ZNF536: variants seen among roughly 807,000 people sequenced by gnomAD.
ZNF536 encodes the protein zinc finger protein 536.
A neutral mutation model predicts 84.5 loss-of-function variants in ZNF536; 13 were observed. That is an observed-to-expected ratio of 0.15 (90% CI 0.10 to 0.24). The LOEUF (loss-of-function observed/expected upper bound fraction) is 0.24. Among genes scored for constraint, ZNF536 ranks in the 10% least tolerant of loss-of-function variants. The pLI is 1.00. For synonymous variants in ZNF536, 811 were observed against 742.5 expected (o/e 1.09, Z -1.50); for missense variants, 1,536 against 1,747.5 (o/e 0.88, Z 2.16).
intron 2 of ZNF536, among the ~76,000 whole-genome samples, chr19:30,453,294 T>A (rs1340313323): frequency 6.6e-6 from 1 of 152,112 alleles, no homozygotes; most frequent in East Asian, 1.9e-4. Context: ...GGGAGCCAGG[T>A]AGATAAGACA....
intron 2 of ZNF536, among the ~76,000 whole-genome samples, chr19:30,300,844 G>A (rs16964084): frequency 0.01 from 1,493 of 146,990 alleles, 29 homozygotes; most frequent in African/African-American, 0.036. Flanking sequence ...AGTACTCTTC[G>A]ACGCCTGAGT....
chr19:30,439,360 G>A (rs1376381383), intron 1 of ZNF536, among the ~76,000 whole-genome samples: 1 of 152,188 alleles, frequency 6.6e-6, no homozygotes, highest in Non-Finnish European at 1.5e-5. Context: ...TGACTGAATG[G>A]CTAAGGTAAG....
chr19:30,270,459 G>A (rs992541099), intron 1 of ZNF536, among the ~76,000 whole-genome samples: 21 of 152,118 alleles, frequency 1.4e-4, no homozygotes, highest in African/African-American at 4.8e-4. Context: ...AAGAACAATT[G>A]CACTTGAAGT....
intron 3 of ZNF536, among the ~76,000 whole-genome samples, chr19:30,545,588 G>A (rs368095165): frequency 5.9e-5 from 9 of 151,740 alleles, no homozygotes; most frequent in Non-Finnish European, 1.0e-4. Context: ...TAGTAGAGAC[G>A]GGGTTTCATC....
At chr19:30,544,976 C>G (rs912284657) in intron 3 of ZNF536, among the ~76,000 whole-genome samples, 5 of 152,248 alleles carry the variant, frequency 3.3e-5, no homozygotes, top group African/African-American at 9.6e-5. Context: ...GAGGTCTAGA[C>G]TGTCTTCCCT....
At chr19:30,410,151 C>A (rs2050419287) in intron 1 of ZNF536, among the ~76,000 whole-genome samples, 1 of 151,966 alleles carries the variant, frequency 6.6e-6, no homozygotes, top group South Asian at 2.1e-4. Flanking sequence ...CTTTTTAGTG[C>A]CATGCTTTGA....
intron 2 of ZNF536, among the ~76,000 whole-genome samples, chr19:30,344,508 G>T (rs1766320110): frequency 6.7e-6 from 1 of 148,156 alleles, no homozygotes; most frequent in Non-Finnish European, 1.5e-5. Flanking sequence ...CTTGGGACAT[G>T]ATGCATCCGT....
chr19:30,577,384 T>TA (rs1292564287), intron 1 of ZNF536, among the ~76,000 whole-genome samples: 1 of 152,230 alleles, frequency 6.6e-6, no homozygotes, highest in Non-Finnish European at 1.5e-5. Flanking sequence ...TGGGGTAATA[T>TA]ACTGTGCAGA....
chr19:30,245,761 A>G (rs896454945), intron 1 of ZNF536, among the ~76,000 whole-genome samples: 3 of 152,250 alleles, frequency 2.0e-5, no homozygotes, highest in African/African-American at 7.2e-5. Flanking sequence ...GACAGGCTTA[A>G]TCAAGGGTGT....
At chr19:30,431,950 A>G (rs1299973978) in intron 1 of ZNF536, among the ~76,000 whole-genome samples, 1 of 151,716 alleles carries the variant, frequency 6.6e-6, no homozygotes, top group Non-Finnish European at 1.5e-5. Flanking sequence ...TATCTTTTTC[A>G]GTTTTGCATT....
chr19:30,394,090 A>G (rs948238077), intron 1 of ZNF536, among the ~76,000 whole-genome samples: 2 of 152,178 alleles, frequency 1.3e-5, no homozygotes, highest in African/African-American at 2.4e-5. Flanking sequence ...GCAGCTCTCT[A>G]TCAGATCAGT....
intron 1 of ZNF536, among the ~76,000 whole-genome samples, chr19:30,240,883 A>G (rs962781259): frequency 2.6e-5 from 4 of 152,342 alleles, no homozygotes; most frequent in Middle Eastern, 3.4e-3. Context: ...GCACTTGGGA[A>G]GGACATTGCT....
intron 2 of ZNF536, among the ~76,000 whole-genome samples, chr19:30,476,567 A>G (rs1385148570): frequency 6.6e-6 from 1 of 152,228 alleles, no homozygotes; most frequent in Non-Finnish European, 1.5e-5. Flanking sequence ...AATATTGCTT[A>G]ACAATGAATA....
At chr19:30,413,309 TG>T (rs2050575758) in intron 1 of ZNF536, among the ~76,000 whole-genome samples, 1 of 152,220 alleles carries the variant, frequency 6.6e-6, no homozygotes, top group South Asian at 2.1e-4. Context: ...TTGAAGGCTT[TG>T]TTCATTTGTT....
intron 1 of ZNF536, among the ~76,000 whole-genome samples, chr19:30,702,447 G>A (rs1326108090): frequency 6.6e-6 from 1 of 152,192 alleles, no homozygotes; most frequent in Admixed American, 6.5e-5. Flanking sequence ...AGGGGAATGA[G>A]GTGGGGCGGG....
chr19:30,276,390 G>C (rs1021831410), intron 1 of ZNF536, among the ~76,000 whole-genome samples: 2 of 152,084 alleles, frequency 1.3e-5, no homozygotes, highest in Non-Finnish European at 2.9e-5. Context: ...ATTATACTGG[G>C]AAAGTTTTTT....
chr19:30,664,117 T>G (rs893489693), intron 1 of ZNF536, among the ~76,000 whole-genome samples: 1 of 151,692 alleles, frequency 6.6e-6, no homozygotes, highest in African/African-American at 2.4e-5. Context: ...ATTCACAGAT[T>G]GAAAAAATAA....
chr19:30,422,233 G>A (rs887781863), intron 1 of ZNF536, among the ~76,000 whole-genome samples: 3 of 152,088 alleles, frequency 2.0e-5, no homozygotes, highest in East Asian at 1.9e-4. Context: ...AGGAAACAGG[G>A]CTCTACAGAA....
downstream of ZNF536, among the ~76,000 whole-genome samples, chr19:30,561,791 C>A (rs1245323580): frequency 6.6e-6 from 1 of 151,870 alleles, no homozygotes; most frequent in African/African-American, 2.4e-5. Context: ...CCATTCTTCC[C>A]ATAGTGAGAG....
Sources: gnomAD v4.1 joint callset for allele counts (sites outside exome capture counted in the v4.1 genomes callset) on GRCh38, gnomAD v4.1.1 for gene constraint, MANE v1.5 for transcripts, NCBI Gene and HGNC (gene_info 2026-07-23, HGNC 2026-07-21) for gene names.